Variants in CSNK1G2 observed in about 807,000 individuals in gnomAD.
CSNK1G2 encodes the protein casein kinase I isoform gamma-2.
Under a neutral mutation model 48.0 loss-of-function variants are expected in CSNK1G2, and 11 were observed. That is an observed-to-expected ratio of 0.23 (90% CI 0.14 to 0.38). CSNK1G2 has a LOEUF of 0.38. CSNK1G2 is among the 10% of genes least tolerant of loss of function. The probability of loss-of-function intolerance (pLI) is 1.00; values close to 1 mark genes in which losing one functional copy is unlikely to be tolerated. For synonymous variants in CSNK1G2, 337 were observed against 254.1 expected, an observed-to-expected ratio of 1.33 and a Z score of -3.10; for missense variants, 446 against 595.5, an observed-to-expected ratio of 0.75 and a Z score of 2.61.
Position 1,957,053 on chromosome 19 carries a change from C to T in CSNK1G2, c.-265-12455C>T, listed in dbSNP as rs959567274. 1.3e-5 allele frequency among the ~76,000 whole-genome samples: 2 copies of T among 152,162 alleles called. No homozygotes were observed. The highest frequency in any genetic ancestry group is 4.8e-5 in the African/African-American group (2 of 41,444). On this transcript the variant is annotated intron_variant, in intron 1 of 11. Coordinates refer to ENST00000255641, the MANE Select transcript of CSNK1G2 (RefSeq NM_001319.7). The surrounding 1 kb of genome is among the most constrained non-coding windows in gnomAD (Gnocchi z 5.4). ...TGGCGCCCCCCTTCGACGGTCGTGCCCTGATGCTGCGTGGCTTAAACGGTG... is the reference window on the plus strand; with the variant it reads ...TGGCGCCCCCCTTCGACGGTCGTGCTCTGATGCTGCGTGGCTTAAACGGTG...
intron 1 of CSNK1G2, among the ~76,000 whole-genome samples, chr19:1,943,696 G>GCGTCCGCAGAGCCACTGGGACGGA: frequency 6.6e-6 from 1 of 152,294 alleles, no homozygotes; most frequent in Admixed American, 6.5e-5. Context: ...CCCAGCAGAT[G>GCGTCCGCAGAGCCACTGGGACGGA]CGTCCGCAGA....
intron 1 of CSNK1G2, among the ~76,000 whole-genome samples, chr19:1,966,838 T>C (rs1447226577): frequency 6.6e-6 from 1 of 152,180 alleles, no homozygotes; most frequent in Non-Finnish European, 1.5e-5. Flanking sequence ...GTTCCCATGA[T>C]CATTACCATT....
rs547103331 is a variant in CSNK1G2 at position 1,943,666 on chromosome 19, C to T, written c.-266+2248C>T. ...GAACTGGTGGGGGTTACCGCGCGCC[C>T]GAGTGGCAGACTCTAGCGCCCCAGC... On this transcript the variant is annotated intron_variant, in intron 1 of 11. Transcript: ENST00000255641. Among the ~76,000 whole-genome samples the T allele has an allele frequency of 7.9e-5, 12 of 152,186 alleles. No homozygotes were observed. In the South Asian group the frequency reaches 1.9e-3, roughly 24 times the overall value.
At chr19:1,974,352 T>A (rs2040838579) in intron 2 of CSNK1G2, among the ~76,000 whole-genome samples, 1 of 152,146 alleles carries the variant, frequency 6.6e-6, no homozygotes, top group Non-Finnish European at 1.5e-5. Context: ...GGATTCGCCC[T>A]TTAGTCAGGA....
At chr19:1,964,303 CAAA>C (rs542361268) in intron 1 of CSNK1G2, among the ~76,000 whole-genome samples, 3 of 126,474 alleles carry the variant, frequency 2.4e-5, no homozygotes, top group Non-Finnish European at 5.0e-5. Context: ...AAAAAAAAAA[CAAA>C]AAAAAACCAG....
intron 1 of CSNK1G2, among the ~76,000 whole-genome samples, chr19:1,961,167 G>A (rs945068633): frequency 3.9e-5 from 6 of 152,266 alleles, no homozygotes; most frequent in African/African-American, 1.4e-4. Flanking sequence ...GGACAGCCCA[G>A]TGTGACCCCA....
At chr19:1,958,178 G>A (rs893332971) in intron 1 of CSNK1G2, among the ~76,000 whole-genome samples, 3 of 151,546 alleles carry the variant, frequency 2.0e-5, no homozygotes, top group African/African-American at 7.3e-5. Context: ...ATTGAGGGGC[G>A]ATTGGGACTC....
In CSNK1G2 at chr19:1,978,474, C is replaced by T. The variant is rs767409187; in HGVS notation, c.261C>T (p.His87=). Residue 87 remains histidine, a synonymous_variant, in exon 4 of 12, where the codon CAC becomes CAT. Transcript: ENST00000255641. The surrounding 1 kb of genome is among the most constrained non-coding windows in gnomAD (Gnocchi z 7.3). ...TCAAGTCCCGGGCCCCGCAGCTGCA[C>T]CTGGAGTACCGGTTCTACAAGCAGC... is the stretch of plus-strand genomic sequence containing the variant. ...EPIKSRAPQL[H]LEYRFYKQLS... 5.0e-6 allele frequency: 8 copies of T among 1,604,468 alleles called. No homozygotes were observed. The highest frequency in any genetic ancestry group is 6.8e-6 in the Non-Finnish European group (8 of 1,176,266).
chr19:1,979,450 C>A (rs765446422), intron 8 of CSNK1G2, 45 bp from the exon 9 acceptor site: 1 of 750,142 alleles, frequency 1.3e-6, no homozygotes, highest in Non-Finnish European at 2.1e-6. Flanking sequence ...CCCCCCACCC[C>A]CCACCCCCAC....
At chr19:1,962,282 G>A (rs1398628606) in intron 1 of CSNK1G2, among the ~76,000 whole-genome samples, 2 of 151,458 alleles carry the variant, frequency 1.3e-5, no homozygotes, top group South Asian at 2.1e-4. Flanking sequence ...AGTGAGTCGA[G>A]TTCGTGCCAC....
chr19:1,943,579 G>A (rs1053513842), intron 1 of CSNK1G2, among the ~76,000 whole-genome samples: 3 of 152,042 alleles, frequency 2.0e-5, no homozygotes, highest in African/African-American at 7.2e-5. Flanking sequence ...ATTAATTTGG[G>A]GATTGGGGTA....
intron 1 of CSNK1G2, among the ~76,000 whole-genome samples, chr19:1,947,172 C>G (rs1194895577): frequency 3.3e-5 from 5 of 152,176 alleles, no homozygotes; most frequent in Admixed American, 3.3e-4. Flanking sequence ...AAGGTAATCC[C>G]TCAATTATCT....
chr19:1,975,062 G>T, intron 2 of CSNK1G2: 1 of 985,426 alleles, frequency 1.0e-6, no homozygotes, highest in Non-Finnish European at 1.2e-6. Context: ...TCTCTGACAC[G>T]CCAGCCGCAC....
chr19:1,949,761 A>G (rs2014696975), intron 1 of CSNK1G2, among the ~76,000 whole-genome samples: 1 of 152,014 alleles, frequency 6.6e-6, no homozygotes, highest in Admixed American at 6.6e-5. Context: ...CACAGCGACG[A>G]CCACTCCCCT....
intron 2 of CSNK1G2, among the ~76,000 whole-genome samples, chr19:1,971,383 T>G (rs1337967142): frequency 6.6e-6 from 1 of 152,234 alleles, no homozygotes; most frequent in Non-Finnish European, 1.5e-5. Flanking sequence ...TCCGACGGCC[T>G]GTGGCTCAGG....
chr19:1,946,106 C>G (rs1335476112), intron 1 of CSNK1G2, among the ~76,000 whole-genome samples: 1 of 151,924 alleles, frequency 6.6e-6, no homozygotes, highest in East Asian at 1.9e-4. Flanking sequence ...TGGCCTATCC[C>G]GGGGAGGTCA....
chr19:1,955,298 C>CCTGCTGCTG (rs142010723), intron 1 of CSNK1G2, among the ~76,000 whole-genome samples: 61 of 151,682 alleles, frequency 4.0e-4, no homozygotes, highest in African/African-American at 1.3e-3. Context: ...TGACTGCCCT[C>CCTGCTGCTG]CTGCTGCTGC....
At chr19:1,955,225 G>T (rs1213249689) in intron 1 of CSNK1G2, among the ~76,000 whole-genome samples, 2 of 152,132 alleles carry the variant, frequency 1.3e-5, no homozygotes, top group African/African-American at 4.8e-5. Context: ...GGGGGCAGGG[G>T]GAGCTGGGCA....
intron 1 of CSNK1G2, among the ~76,000 whole-genome samples, chr19:1,956,488 G>T (rs895064711): frequency 7.2e-5 from 11 of 152,166 alleles, no homozygotes; most frequent in African/African-American, 2.7e-4. Context: ...CTGCACTCCA[G>T]CCTGGGTGAT....
Sources: gnomAD v4.1 joint callset for allele counts (sites outside exome capture counted in the v4.1 genomes callset) on GRCh38, gnomAD v4.1.1 for gene constraint, Gnocchi (gnomAD v3.1) non-coding constraint, MANE v1.5 for transcripts, NCBI Gene and HGNC (gene_info 2026-07-23, HGNC 2026-07-21) for gene names.